The following KDM1A variants were observed in gnomAD, a reference collection of about 807,000 sequenced individuals.
KDM1A encodes the protein lysine-specific histone demethylase 1A.
A neutral mutation model predicts 109.4 loss-of-function variants in KDM1A; 49 were observed. The ratio of observed to expected loss-of-function variants is 0.45; its 90% CI spans 0.36 to 0.57. KDM1A has a LOEUF of 0.57. Among genes scored for constraint, KDM1A ranks in the 20% least tolerant of loss-of-function variants. The pLI, the probability that KDM1A is intolerant of heterozygous loss-of-function variation, is 0.00. For missense variants in KDM1A, 668 were observed against 1,116.6 expected (o/e 0.60, Z 5.73); for synonymous variants, 380 against 415.4 (o/e 0.91, Z 1.04).
intron 9 of KDM1A, among the ~76,000 whole-genome samples, chr1:23,061,660 C>T (rs1643004218): frequency 8.1e-6 from 1 of 123,238 alleles, no homozygotes. Flanking sequence ...ATAAACTAGC[C>T]TTTTTTTTTT....
chr1:23,065,792 ACTG>A (rs1404563297), intron 9 of KDM1A, among the ~76,000 whole-genome samples: 1 of 151,368 alleles, frequency 6.6e-6, no homozygotes, highest in African/African-American at 2.4e-5. Flanking sequence ...TTTATTCCTC[ACTG>A]CTTTCTGACA....
At chr1:23,066,330 C>T (rs574152084) in intron 10 of KDM1A, among the ~76,000 whole-genome samples, 3 of 152,276 alleles carry the variant, frequency 2.0e-5, no homozygotes, top group East Asian at 1.9e-4. Flanking sequence ...GTGGGCTGCT[C>T]AGCAAACAGA....
chr1:23,080,676 G>A (rs141447012), intron 18 of KDM1A, among the ~76,000 whole-genome samples: 1 of 152,258 alleles, frequency 6.6e-6, no homozygotes, highest in Non-Finnish European at 1.5e-5. Flanking sequence ...GCCTCTGCGT[G>A]TACTGTGGTC....
At chr1:23,077,095 T>G in intron 15 of KDM1A, 133 bp from the exon 16 acceptor site, 1 of 768,278 alleles carries the variant, frequency 1.3e-6, no homozygotes, top group Non-Finnish European at 2.0e-6. Flanking sequence ...TACTGAGTGA[T>G]TTGTTCTTTA....
chr1:23,074,321 T>C (rs1643403039), intron 15 of KDM1A, among the ~76,000 whole-genome samples: 1 of 152,244 alleles, frequency 6.6e-6, no homozygotes. Flanking sequence ...AAGTTTATTA[T>C]GTTCTTTAAA....
chr1:23,055,485 AT>A, intron 6 of KDM1A: 1 of 182,580 alleles, frequency 5.5e-6, no homozygotes, highest in South Asian at 1.8e-4. Flanking sequence ...TTTTTCTCTC[AT>A]TGACCCATTC....
intron 5 of KDM1A, among the ~76,000 whole-genome samples, chr1:23,054,065 G>T (rs1413007775): frequency 6.6e-6 from 1 of 152,138 alleles, no homozygotes; most frequent in Non-Finnish European, 1.5e-5. Flanking sequence ...AGATTGCTAA[G>T]TACTCTTCCT....
intron 1 of KDM1A, among the ~76,000 whole-genome samples, chr1:23,022,251 C>T (rs1641654660): frequency 6.6e-6 from 1 of 151,296 alleles, no homozygotes; most frequent in African/African-American, 2.4e-5. Flanking sequence ...AACAGTTTCC[C>T]ATAGCAGCTG....
Position 23,082,350 on chromosome 1 carries a change from T to C in KDM1A, c.2429T>C (p.Ile810Thr), listed in dbSNP as rs1487068117. ...MAQPITPGPS[I>T]PGAPQPIPRL... ...CAGCCAATCACTCCTGGCCCCTCGATTCCAGGTGCCCCACAGGTGAGAAGC... is the reference window on the plus strand; with the variant it reads ...CAGCCAATCACTCCTGGCCCCTCGACTCCAGGTGCCCCACAGGTGAGAAGC... The change falls in exon 20 of 21, where the codon ATT becomes ACT. Residue 810 changes from isoleucine (I) to threonine (T), a missense_variant. Physicochemically the swap from Ile to Thr is moderately conservative, Grantham distance 89 (BLOSUM62 -1). Around this residue, in one of 8 missense-constraint regions of KDM1A, gnomAD observed 69 missense variants for 99.6 expected, o/e 0.69. Coordinates refer to ENST00000400181, the MANE Select transcript of KDM1A (RefSeq NM_001009999.3). 5 of 1,613,374 alleles carry C rather than the reference T, an allele frequency of 3.1e-6. No individual in the cohort carries two copies. Among genetic ancestry groups the C allele is most frequent in the Non-Finnish European group, 4.2e-6 (5 of 1,179,638 alleles).
chr1:23,057,336 T>C, intron 7 of KDM1A, 148 bp from the exon 8 acceptor site: 1 of 611,290 alleles, frequency 1.6e-6, no homozygotes, highest in South Asian at 2.1e-5. Flanking sequence ...TCATTTGTTC[T>C]TTGTGCCCAT....
intron 2 of KDM1A, among the ~76,000 whole-genome samples, chr1:23,035,765 T>C (rs1000704929): frequency 7.9e-5 from 12 of 152,274 alleles, no homozygotes; most frequent in African/African-American, 2.9e-4. Context: ...AAATTTCATA[T>C]AACAAAAGAT....
At chr1:23,060,156 G>A (rs998994726) in intron 9 of KDM1A, among the ~76,000 whole-genome samples, 10 of 152,164 alleles carry the variant, frequency 6.6e-5, no homozygotes, top group Admixed American at 1.3e-4. Context: ...TGAGCAGAAT[G>A]AGAGAGAAAG....
intron 7 of KDM1A, among the ~76,000 whole-genome samples, 154 bp downstream of exon 7, chr1:23,056,192 A>G (rs1642825468): frequency 6.6e-6 from 1 of 152,168 alleles, no homozygotes; most frequent in Non-Finnish European, 1.5e-5. Flanking sequence ...TATATTTTTA[A>G]AAAGCTTTTT....
chr1:23,037,129 T>TATACACAC (rs112388712), intron 2 of KDM1A, among the ~76,000 whole-genome samples: 4 of 147,636 alleles, frequency 2.7e-5, no homozygotes, highest in African/African-American at 1.0e-4. Context: ...AAAATATATA[T>TATACACAC]ACACACACAC....
intron 2 of KDM1A, among the ~76,000 whole-genome samples, chr1:23,042,454 T>A (rs1322897864): frequency 2.2e-4 from 24 of 107,804 alleles, no homozygotes; most frequent in African/African-American, 3.1e-4. Context: ...TTTTTTTTTT[T>A]TTTTTTTTTT....
chr1:23,042,914 A>G (rs890581386), intron 2 of KDM1A, among the ~76,000 whole-genome samples: 2 of 150,860 alleles, frequency 1.3e-5, no homozygotes, highest in Non-Finnish European at 3.0e-5. Flanking sequence ...ACACCTGGCT[A>G]ACTTTTGTGT....
intron 1 of KDM1A, among the ~76,000 whole-genome samples, chr1:23,025,387 A>G (rs556318729): frequency 1.4e-3 from 211 of 149,792 alleles, no homozygotes; most frequent in Non-Finnish European, 2.6e-3. Context: ...CTGGAGTGCA[A>G]TGGTGTGATC....
intron 1 of KDM1A, among the ~76,000 whole-genome samples, chr1:23,024,268 G>A (rs1641730935): frequency 6.6e-6 from 1 of 152,118 alleles, no homozygotes; most frequent in Non-Finnish European, 1.5e-5. Flanking sequence ...TTATGTGTTT[G>A]TTTGGGGCAG....
At chr1:23,075,797 A>G (rs1202806841) in intron 15 of KDM1A, among the ~76,000 whole-genome samples, 2 of 151,532 alleles carry the variant, frequency 1.3e-5, no homozygotes, top group Admixed American at 1.3e-4. Context: ...AAAATACAAA[A>G]TTAGCCTGGC....
Sources: gnomAD v4.1 joint callset for allele counts (sites outside exome capture counted in the v4.1 genomes callset) on GRCh38, gnomAD v4.1.1 for gene constraint, gnomAD v4.1.1 regional missense constraint, MANE v1.5 for transcripts, NCBI Gene and HGNC (gene_info 2026-07-23, HGNC 2026-07-21) for gene names.